Variants in LMNTD1 observed in about 807,000 individuals in gnomAD.
LMNTD1 encodes the protein lamin tail domain containing 1, also known as lamin tail domain-containing protein 1.
In LMNTD1, 35 loss-of-function variants were observed where a neutral mutation model predicts 50.9. The observed-to-expected ratio is 0.69, with a 90% CI of 0.53 to 0.91. The LOEUF is 0.91. LMNTD1 is among the 40% of genes least tolerant of loss of function. The probability of loss-of-function intolerance (pLI) is 0.00; values close to 1 mark genes in which losing one functional copy is unlikely to be tolerated. For missense variants in LMNTD1, 470 were observed against 475.5 expected (o/e 0.99, Z 0.11); for synonymous variants, 153 against 161.9 (o/e 0.94, Z 0.42).
intron 1 of LMNTD1, among the ~76,000 whole-genome samples, chr12:25,614,486 T>A (rs1946312303): frequency 6.6e-6 from 1 of 152,168 alleles, no homozygotes; most frequent in Non-Finnish European, 1.5e-5. Flanking sequence ...TGAACTGAGT[T>A]CAAGATTAGA....
At chr12:25,605,312 T>C (rs1018347207) in intron 1 of LMNTD1, among the ~76,000 whole-genome samples, 36 of 152,252 alleles carry the variant, frequency 2.4e-4, no homozygotes, top group African/African-American at 7.0e-4. Flanking sequence ...CACTCTGATG[T>C]TGGTTTCTTT....
chr12:25,519,465 G>A (rs1273734668), intron 7 of LMNTD1, among the ~76,000 whole-genome samples: 2 of 151,686 alleles, frequency 1.3e-5, no homozygotes, highest in Non-Finnish European at 2.9e-5. Flanking sequence ...GTGGGCGCCT[G>A]TAGTCCCAGC....
chr12:25,551,502 G>A lies in LMNTD1; in HGVS notation c.89+1369C>T, dbSNP rs922942700. The stretch of plus-strand genomic sequence containing the variant: ...ACTCCTGGGTTCAAGTGATCCTCCC[G>A]CCTCAGCCTCCCAAGTAGCTGAGAC... On this transcript the variant is annotated intron_variant, in intron 2 of 9. Coordinates refer to ENST00000458174, the MANE Select transcript of LMNTD1 (RefSeq NM_001145728.2). Among the ~76,000 whole-genome samples, 9 of 152,078 alleles carry A rather than the reference G, an allele frequency of 5.9e-5. No homozygotes were observed. In the East Asian group the frequency reaches 1.2e-3, roughly 20 times the overall value.
chr12:25,485,525 C>T (rs1404320524), intron 9 of LMNTD1, among the ~76,000 whole-genome samples: 1 of 126,096 alleles, frequency 7.9e-6, no homozygotes, highest in African/African-American at 3.0e-5. Context: ...TCCCATTTGT[C>T]AATTTTGTCT....
At chr12:25,544,043 A>T (rs1943270183) in intron 4 of LMNTD1, among the ~76,000 whole-genome samples, 1 of 151,976 alleles carries the variant, frequency 6.6e-6, no homozygotes, top group Non-Finnish European at 1.5e-5. Context: ...AAGAATGTAT[A>T]TTCTGCAGCA....
intron 9 of LMNTD1, among the ~76,000 whole-genome samples, chr12:25,495,437 T>G (rs1939029281): frequency 6.6e-6 from 1 of 152,118 alleles, no homozygotes; most frequent in Non-Finnish European, 1.5e-5. Context: ...ATTCAAATGT[T>G]AATGAAGTAA....
At chr12:25,572,683 T>G (rs907682047) in intron 1 of LMNTD1, among the ~76,000 whole-genome samples, 7 of 152,016 alleles carry the variant, frequency 4.6e-5, no homozygotes, top group African/African-American at 1.7e-4. Flanking sequence ...AATTAGAGGT[T>G]GCAGACTTAG....
At chr12:25,635,156 C>A (rs937738541) in intron 1 of LMNTD1, among the ~76,000 whole-genome samples, 2 of 148,900 alleles carry the variant, frequency 1.3e-5, no homozygotes, top group Non-Finnish European at 1.5e-5. Flanking sequence ...GGGAGAATCG[C>A]TTAAACCCAG....
chr12:25,587,708 G>A (rs986870691), intron 1 of LMNTD1, among the ~76,000 whole-genome samples: 1 of 152,140 alleles, frequency 6.6e-6, no homozygotes, highest in Non-Finnish European at 1.5e-5. Flanking sequence ...TATCAACTAC[G>A]AATCCATTGA....
chr12:25,571,029 T>TGGC (rs1282735523), intron 1 of LMNTD1, among the ~76,000 whole-genome samples: 2 of 152,212 alleles, frequency 1.3e-5, no homozygotes, highest in East Asian at 3.9e-4. Flanking sequence ...CAGTCATAGG[T>TGGC]GGCTCAGTGC....
chr12:25,555,661 C>T (rs540495883), upstream of LMNTD1, among the ~76,000 whole-genome samples: 10 of 152,164 alleles, frequency 6.6e-5, no homozygotes, highest in South Asian at 8.3e-4. Flanking sequence ...AATGATATGA[C>T]GTCCTCTGTT....
chr12:25,513,238 T>C (rs1940444125), intron 8 of LMNTD1, among the ~76,000 whole-genome samples: 3 of 152,202 alleles, frequency 2.0e-5, no homozygotes, highest in Admixed American at 1.3e-4. Flanking sequence ...GCCATGCTCA[T>C]TGGAACTATC....
chr12:25,518,634 G>GT (rs1371359683), intron 8 of LMNTD1, among the ~76,000 whole-genome samples, 161 bp downstream of exon 8: 4 of 152,196 alleles, frequency 2.6e-5, no homozygotes, highest in Admixed American at 1.3e-4. Context: ...TAGGGGAAAT[G>GT]TAAGTGAATG....
chr12:25,548,204 GA>G (rs146003508), intron 3 of LMNTD1, among the ~76,000 whole-genome samples: 4,854 of 148,406 alleles, frequency 0.033, 179 homozygotes, highest in African/African-American at 0.097. Flanking sequence ...AATGGCAGGA[GA>G]AAAAAAAACC....
At chr12:25,494,299 G>C (rs1017549377) in intron 9 of LMNTD1, among the ~76,000 whole-genome samples, 5 of 152,090 alleles carry the variant, frequency 3.3e-5, no homozygotes, top group Admixed American at 3.3e-4. Context: ...TTCTTATTTA[G>C]AGAAACTTTC....
chr12:25,502,233 C>A (rs1939435640), intron 9 of LMNTD1, among the ~76,000 whole-genome samples: 1 of 152,274 alleles, frequency 6.6e-6, no homozygotes, highest in East Asian at 1.9e-4. Flanking sequence ...AAATTCCCCC[C>A]CTTTTTTTTT....
chr12:25,598,761 C>T (rs970223386), intron 1 of LMNTD1, among the ~76,000 whole-genome samples: 3 of 151,724 alleles, frequency 2.0e-5, no homozygotes, highest in African/African-American at 7.3e-5. Context: ...AAGAAATGGA[C>T]ACGTTACTGG....
In LMNTD1 at chr12:25,559,153, G is replaced by A. The variant is rs181925446; in HGVS notation, c.59-12599C>T. ...GTCGGTATGCTGCACCCGTTAACTC[G>A]TCATTTACATTAGGTATATCTCCTA... On this transcript the variant is annotated intron_variant, in intron 1 of 7. Coordinates refer to the LMNTD1 transcript ENST00000445693. 1.1e-4 allele frequency among the ~76,000 whole-genome samples: 16 copies of A among 151,870 alleles called. No individual in the cohort carries two copies. In the East Asian group the frequency reaches 2.7e-3, roughly 26 times the overall value.
rs900977605 is a variant in LMNTD1, at chr12:25,581,520, T to G, written c.59-34966A>C. 3.9e-5 allele frequency among the ~76,000 whole-genome samples: 6 copies of G among 152,240 alleles called. No homozygotes were observed. The East Asian group carries it at 9.6e-4, about 24-fold the overall frequency. On this transcript the variant is annotated intron_variant, in intron 1 of 7. Coordinates refer to the LMNTD1 transcript ENST00000445693. ...ACAGAATTTAATAATGAAGCCATTA[T>G]TTTTCAAATATATTACTCTTTTGAT...
Sources: gnomAD v4.1 joint callset for allele counts (sites outside exome capture counted in the v4.1 genomes callset) on GRCh38, gnomAD v4.1.1 for gene constraint, MANE v1.5 for transcripts, NCBI Gene and HGNC (gene_info 2026-07-23, HGNC 2026-07-21) for gene names.